Variants in KHDRBS2 observed in about 807,000 individuals in gnomAD.
KHDRBS2 encodes KH domain-containing, RNA-binding, signal transduction-associated protein 2.
Under a neutral mutation model 44.3 loss-of-function variants are expected in KHDRBS2, and 26 were observed. That is an observed-to-expected ratio of 0.59 (90% CI 0.43 to 0.81). The LOEUF is 0.81. Among genes scored for constraint, KHDRBS2 ranks in the 40% least tolerant of loss-of-function variants. The probability of loss-of-function intolerance (pLI) is 0.00; values close to 1 mark genes in which losing one functional copy is unlikely to be tolerated. For synonymous variants in KHDRBS2, 194 were observed against 151.1 expected (o/e 1.28, Z -2.08); for missense variants, 476 against 433.1 (o/e 1.10, Z -0.88).
chr6:61,878,238 A>C (rs1799720734), intron 6 of KHDRBS2, among the ~76,000 whole-genome samples: 1 of 151,926 alleles, frequency 6.6e-6, no homozygotes, highest in Non-Finnish European at 1.5e-5. Flanking sequence ...AGCTTTTCTC[A>C]GATATCTCAG....
At chr6:62,061,655 G>C (rs1373879795) in intron 2 of KHDRBS2, among the ~76,000 whole-genome samples, 2 of 150,998 alleles carry the variant, frequency 1.3e-5, no homozygotes, top group South Asian at 2.1e-4. Flanking sequence ...ATGTGTCTTG[G>C]AGTTGCTCTT....
chr6:61,703,901 C>T (rs1254913550), intron 7 of KHDRBS2, among the ~76,000 whole-genome samples: 1 of 151,870 alleles, frequency 6.6e-6, no homozygotes, highest in African/African-American at 2.4e-5. Flanking sequence ...TGATGGTTAT[C>T]CTGAATCTTC....
chr6:61,793,637 G>A (rs998598384), intron 6 of KHDRBS2, among the ~76,000 whole-genome samples: 1 of 151,846 alleles, frequency 6.6e-6, no homozygotes, highest in African/African-American at 2.4e-5. Context: ...GGGAGTCTAT[G>A]GGGGTATGTT....
intron 6 of KHDRBS2, among the ~76,000 whole-genome samples, chr6:61,786,240 A>G (rs1783791184): frequency 6.6e-6 from 1 of 152,046 alleles, no homozygotes; most frequent in Non-Finnish European, 1.5e-5. Context: ...GCAAAGTGGA[A>G]AAATTTGCTA....
At chr6:61,747,974 C>A (rs145664504) in intron 6 of KHDRBS2, among the ~76,000 whole-genome samples, 7 of 152,220 alleles carry the variant, frequency 4.6e-5, no homozygotes, top group Admixed American at 2.0e-4. Context: ...TCACTGCTAA[C>A]TTAGGTTTAG....
chr6:61,661,695 A>G, the KHDRBS2 span, among the ~76,000 whole-genome samples: 9 of 151,784 alleles, frequency 5.9e-5, no homozygotes, highest in African/African-American at 1.2e-4. Flanking sequence ...TACAAGGGAC[A>G]TGAAGGACCT....
At chr6:62,141,785 T>C (rs1812871494) in intron 2 of KHDRBS2, among the ~76,000 whole-genome samples, 1 of 152,124 alleles carries the variant, frequency 6.6e-6, no homozygotes, top group Non-Finnish European at 1.5e-5. Context: ...TCGATAATTT[T>C]CATGTACATG....
the KHDRBS2 span, among the ~76,000 whole-genome samples, chr6:61,602,967 C>T: frequency 1.2e-4 from 18 of 152,254 alleles, no homozygotes; most frequent in African/African-American, 3.9e-4. Flanking sequence ...CCTTCACATC[C>T]TTTCCTTGTA....
intron 4 of KHDRBS2, among the ~76,000 whole-genome samples, chr6:61,962,152 G>A (rs1768883751): frequency 6.6e-6 from 1 of 152,032 alleles, no homozygotes; most frequent in Non-Finnish European, 1.5e-5. Context: ...TTGGGCAGCT[G>A]AGTGGGTTTA....
intron 1 of KHDRBS2, among the ~76,000 whole-genome samples, chr6:62,191,358 C>T (rs1824568887): frequency 6.6e-6 from 1 of 152,088 alleles, no homozygotes; most frequent in African/African-American, 2.4e-5. Flanking sequence ...TGATGATCTT[C>T]CCTCCTTCCT....
intron 2 of KHDRBS2, among the ~76,000 whole-genome samples, chr6:62,103,818 C>G (rs946289918): frequency 2.0e-5 from 3 of 151,988 alleles, no homozygotes; most frequent in Non-Finnish European, 4.4e-5. Context: ...AAGACTGATA[C>G]CAGTAGTGAA....
intron 4 of KHDRBS2, among the ~76,000 whole-genome samples, chr6:61,954,990 A>ATATATATG (rs1766194762): frequency 2.8e-5 from 1 of 36,358 alleles, no homozygotes; most frequent in South Asian, 9.2e-4. Context: ...ATGTGTATAC[A>ATATATATG]TATATAGACA....
At chr6:61,806,936 A>C (rs1390130791) in intron 6 of KHDRBS2, among the ~76,000 whole-genome samples, 1 of 152,130 alleles carries the variant, frequency 6.6e-6, no homozygotes, top group Non-Finnish European at 1.5e-5. Flanking sequence ...CACTGTCTTT[A>C]ATTATGTCAA....
intron 6 of KHDRBS2, among the ~76,000 whole-genome samples, chr6:61,769,456 C>G (rs1193200250): frequency 6.6e-6 from 1 of 152,154 alleles, no homozygotes; most frequent in East Asian, 1.9e-4. Context: ...TCGGGTCACT[C>G]CCACCCTAAT....
intron 6 of KHDRBS2, among the ~76,000 whole-genome samples, chr6:61,887,415 T>G (rs1478860782): frequency 4.6e-5 from 7 of 152,164 alleles, no homozygotes; most frequent in Admixed American, 2.6e-4. Context: ...AAATGTAAAT[T>G]TACTCGTCTT....
chr6:61,906,402 C>A (rs1247600063), intron 4 of KHDRBS2, among the ~76,000 whole-genome samples: 1 of 152,018 alleles, frequency 6.6e-6, no homozygotes, highest in Admixed American at 6.6e-5. Context: ...TAGGAACATT[C>A]CAGTTCCACT....
chr6:61,568,792 C>T, the KHDRBS2 span, among the ~76,000 whole-genome samples: 2 of 152,204 alleles, frequency 1.3e-5, no homozygotes, highest in African/African-American at 2.4e-5. Context: ...GAAGCCATCC[C>T]TGACTATCTC....
At chr6:61,823,054 C>T (rs1790215885) in intron 6 of KHDRBS2, among the ~76,000 whole-genome samples, 1 of 151,844 alleles carries the variant, frequency 6.6e-6, no homozygotes, top group South Asian at 2.1e-4. Flanking sequence ...CATATATATG[C>T]TAAATGATGC....
chr6:61,700,881 T>C (rs888731485), intron 7 of KHDRBS2, among the ~76,000 whole-genome samples: 1 of 151,846 alleles, frequency 6.6e-6, no homozygotes, highest in African/African-American at 2.4e-5. Context: ...TTTACACTAC[T>C]GCTTGCCTCG....
Sources: allele counts gnomAD v4.1 joint callset (sites outside exome capture counted in the v4.1 genomes callset), GRCh38; gene constraint gnomAD v4.1.1; transcripts MANE v1.5; gene names NCBI Gene and HGNC (gene_info 2026-07-23, HGNC 2026-07-21).